ITPR1: variants seen among roughly 807,000 people sequenced by gnomAD.
ITPR1 encodes the protein inositol 1,4,5-trisphosphate receptor type 1.
A neutral mutation model predicts 318.4 loss-of-function variants in ITPR1; 96 were observed. The ratio of observed to expected loss-of-function variants is 0.30; its 90% CI spans 0.26 to 0.36. ITPR1 has a LOEUF of 0.36. Ranked by LOEUF, ITPR1 falls within the 10% of genes least tolerant of loss-of-function variation. The pLI is 1.00. For missense variants in ITPR1, 2,440 were observed against 3,460.2 expected, an observed-to-expected ratio of 0.71 and a Z score of 7.40; for synonymous variants, 1,312 against 1,289.9, an observed-to-expected ratio of 1.02 and a Z score of -0.37.
At chr3:4,647,005 A>G (rs2093473284) in intron 10 of ITPR1, among the ~76,000 whole-genome samples, 1 of 152,098 alleles carries the variant, frequency 6.6e-6, no homozygotes, top group Non-Finnish European at 1.5e-5. Flanking sequence ...TCAGCCATGT[A>G]ACCAGCACCT....
intron 4 of ITPR1, among the ~76,000 whole-genome samples, chr3:4,582,263 C>G (rs1371439479): frequency 6.6e-6 from 1 of 152,148 alleles, no homozygotes; most frequent in Non-Finnish European, 1.5e-5. Context: ...GGGTTCTAGA[C>G]TTGTTCGAAC....
At chr3:4,808,120 C>T (rs936704056) in intron 55 of ITPR1, among the ~76,000 whole-genome samples, 21 of 152,270 alleles carry the variant, frequency 1.4e-4, no homozygotes, top group African/African-American at 5.1e-4. Context: ...GAGAGGAACA[C>T]AGTCCCTACC....
At chr3:4,501,029 A>C (rs2080982583) in intron 2 of ITPR1, among the ~76,000 whole-genome samples, 2 of 95,104 alleles carry the variant, frequency 2.1e-5, no homozygotes, top group Non-Finnish European at 4.5e-5. Context: ...AATTTAAAAA[A>C]AAAATTTTTT....
Position 4,691,106 on chromosome 3 carries a change from G to T in ITPR1, c.3829-38G>T, listed in dbSNP as rs190268787. 1.5e-4 allele frequency: 215 copies of T among 1,445,554 alleles called. No individual in the cohort carries two copies. In the African/African-American group the frequency reaches 2.6e-3, roughly 18 times the overall value. 89.5% of individuals were successfully genotyped at this position (1,445,554 alleles called of 1,614,324 possible). ...TTTTAATCTGTTCTGTCAGCTTTTT[G>T]ACTTGTCCCTGTGCTCTTTTCCTCA... On this transcript the variant is annotated intron_variant, in intron 31 of 61. Coordinates refer to ENST00000649015, the MANE Select transcript of ITPR1 (RefSeq NM_001378452.1).
In ITPR1 at chr3:4,610,688, G is replaced by A. The variant is rs578037979; in HGVS notation, c.164-17075G>A. ...CAAAGGGTTTAACCCGAAGTCCATGGTTACTGTTTGTTACTCACAGATCTA... is the reference window on the plus strand; with the variant it reads ...CAAAGGGTTTAACCCGAAGTCCATGATTACTGTTTGTTACTCACAGATCTA... On this transcript the variant is annotated intron_variant, in intron 4 of 61. Coordinates refer to ENST00000649015, the MANE Select transcript of ITPR1 (RefSeq NM_001378452.1). Among the ~76,000 whole-genome samples, 382 of 152,192 alleles carry A rather than the reference G, an allele frequency of 2.5e-3. 2 individuals are homozygous for A. The highest frequency in any genetic ancestry group is 8.7e-3 in the African/African-American group (362 of 41,524).
intron 4 of ITPR1, among the ~76,000 whole-genome samples, chr3:4,595,404 A>G (rs1331474233): frequency 2.0e-5 from 3 of 152,192 alleles, no homozygotes; most frequent in Non-Finnish European, 4.4e-5. Flanking sequence ...CACTGTCACA[A>G]TAACGGCACT....
intron 4 of ITPR1, among the ~76,000 whole-genome samples, chr3:4,590,047 C>T (rs1374363550): frequency 6.6e-6 from 1 of 152,126 alleles, no homozygotes; most frequent in East Asian, 1.9e-4. Context: ...TCTTGCAGGA[C>T]TCATGCCCTC....
chr3:4,494,982 G>C (rs2124853733), intron 2 of ITPR1, among the ~76,000 whole-genome samples: 1 of 152,282 alleles, frequency 6.6e-6, no homozygotes, highest in East Asian at 1.9e-4. Context: ...GAAAGAATTA[G>C]AACTTTAAAA....
chr3:4,665,281 C>T lies in ITPR1; in HGVS notation c.1698C>T (p.Asp566=), dbSNP rs2093921836. Residue 566 remains aspartate (D), a synonymous_variant, in exon 17 of 62, where the codon GAC becomes GAT. Transcript: ENST00000649015. ...CYRVLRHSQQ[D]YRKNQEYIAK... ...GGGTGCTGAGACACTCGCAGCAAGACTACAGGAAGAACCAGGTTTGGATTA... is the reference window on the plus strand; with the variant it reads ...GGGTGCTGAGACACTCGCAGCAAGATTACAGGAAGAACCAGGTTTGGATTA... 6.2e-7 allele frequency: 1 copy of T among 1,611,382 alleles called. No homozygotes were observed.
At chr3:4,530,258 A>G (rs1045013443) in intron 4 of ITPR1, among the ~76,000 whole-genome samples, 1 of 152,158 alleles carries the variant, frequency 6.6e-6, no homozygotes, top group African/African-American at 2.4e-5. Context: ...ACTCAAAGGG[A>G]CCAAATCTTG....
rs768372353 is a variant in ITPR1, at chr3:4,669,745, A to G, written c.1978A>G (p.Thr660Ala). ...GATATGTAAAGCTGTGCTGAACCCC[A>G]CCAACGCTGACATCCTGATTGAGAC... ...ELICKAVLNPTNADILIETKL... is the reference protein window; with the variant it reads ...ELICKAVLNPANADILIETKL... Residue 660 changes from threonine to alanine, a missense_variant, in exon 19 of 62, where the codon ACC becomes GCC. Thr to Ala is a moderately conservative substitution (Grantham distance 58). Around this residue, in one of 23 missense-constraint regions of ITPR1, gnomAD observed 478 missense variants for 696.3 expected, o/e 0.69. Transcript: ENST00000649015. The G allele has an allele frequency of 1.2e-6, 2 of 1,612,636 alleles. No individual in the cohort carries two copies. Among genetic ancestry groups the G allele is most frequent in the South Asian group, 2.2e-5 (2 of 90,872 alleles).
intron 31 of ITPR1, among the ~76,000 whole-genome samples, chr3:4,689,144 C>G (rs1009958356): frequency 1.3e-5 from 2 of 152,266 alleles, no homozygotes; most frequent in Admixed American, 6.5e-5. Flanking sequence ...ATTATGGATG[C>G]CTTTGCAAAT....
intron 4 of ITPR1, among the ~76,000 whole-genome samples, chr3:4,612,336 A>G (rs1352601411): frequency 6.6e-6 from 1 of 151,956 alleles, no homozygotes; most frequent in African/African-American, 2.4e-5. Flanking sequence ...TGCTAGGATT[A>G]CAGGCGTGAG....
At chr3:4,703,803 A>G (rs73112420) in intron 36 of ITPR1, among the ~76,000 whole-genome samples, 3,700 of 152,104 alleles carry the variant, frequency 0.024, 144 homozygotes, top group African/African-American at 0.083. Context: ...TTACTCTCCT[A>G]TGGTAGGTGT....
chr3:4,522,061 G>A (rs60146603), intron 4 of ITPR1, among the ~76,000 whole-genome samples: 3,291 of 152,152 alleles, frequency 0.022, 123 homozygotes, highest in African/African-American at 0.074. Context: ...TTGTTGTTGT[G>A]GTTAGTGGTC....
chr3:4,575,548 T>C (rs1373754752), intron 4 of ITPR1, among the ~76,000 whole-genome samples: 1 of 152,170 alleles, frequency 6.6e-6, no homozygotes, highest in East Asian at 1.9e-4. Flanking sequence ...GATGAATGAC[T>C]AAGAGCTGAA....
At chr3:4,659,943 C>A (rs1048332259) in intron 13 of ITPR1, among the ~76,000 whole-genome samples, 7 of 152,146 alleles carry the variant, frequency 4.6e-5, no homozygotes, top group African/African-American at 1.7e-4. Context: ...TATTGTTACA[C>A]ATAATGCTTT....
At chr3:4,716,159 C>T (rs1256750066) in intron 39 of ITPR1, among the ~76,000 whole-genome samples, 2 of 152,112 alleles carry the variant, frequency 1.3e-5, no homozygotes, top group Non-Finnish European at 2.9e-5. Context: ...ACTCTGTGTG[C>T]AATGCCTACT....
At chr3:4,497,725 T>C (rs2080704857) in intron 2 of ITPR1, among the ~76,000 whole-genome samples, 1 of 152,090 alleles carries the variant, frequency 6.6e-6, no homozygotes, top group African/African-American at 2.4e-5. Context: ...CTTTAAAAAA[T>C]TGAAAGTAGG....
Sources: gnomAD v4.1 joint callset for allele counts (sites outside exome capture counted in the v4.1 genomes callset) on GRCh38, gnomAD v4.1.1 for gene constraint, gnomAD v4.1.1 regional missense constraint, MANE v1.5 for transcripts, NCBI Gene and HGNC (gene_info 2026-07-23, HGNC 2026-07-21) for gene names.